ULK1: variants seen among roughly 807,000 people sequenced by gnomAD.
The protein encoded by ULK1 is serine/threonine-protein kinase ULK1.
In ULK1, 48 loss-of-function variants were observed where a neutral mutation model predicts 117.5. The observed-to-expected ratio is 0.41, with a 90% CI of 0.32 to 0.52. The LOEUF is 0.52. Among genes scored for constraint, ULK1 ranks in the 20% least tolerant of loss-of-function variants. ULK1 has a pLI of 0.29. For synonymous variants in ULK1, 790 were observed against 637.8 expected (o/e 1.24, Z -3.60); for missense variants, 1,387 against 1,473.4 (o/e 0.94, Z 0.96).
At chr12:131,900,922 G>A (rs1889060350) in intron 3 of ULK1, among the ~76,000 whole-genome samples, 2 of 152,224 alleles carry the variant, frequency 1.3e-5, no homozygotes, top group Non-Finnish European at 2.9e-5. Context: ...GTGAGTTGGG[G>A]CAGGATGCAG....
In ULK1 at chr12:131,921,580, C is replaced by G; in HGVS notation, c.*219C>G. On this transcript the variant is annotated 3_prime_UTR_variant, in exon 28 of 28. Coordinates refer to ENST00000321867, the MANE Select transcript of ULK1 (RefSeq NM_003565.4). ...CTTGGGGGGTGTCTCCCATCTTTTA[C>G]AGGTGGGGATCACAGAATTTCTGCC... The G allele has an allele frequency of 1.5e-6, 1 of 682,386 alleles. No homozygotes were observed. Among genetic ancestry groups the G allele is most frequent in the Non-Finnish European group, 2.5e-6 (1 of 405,056 alleles). The allele number at this position is 682,386 out of a possible 1,614,324, so 42.3% of individuals were successfully genotyped here.
intron 3 of ULK1, among the ~76,000 whole-genome samples, chr12:131,896,121 G>C (rs1028795395): frequency 1.3e-5 from 2 of 152,170 alleles, no homozygotes; most frequent in African/African-American, 4.8e-5. Context: ...GCCTGAGTCC[G>C]GCGTCCCCGG....
chr12:131,916,941 A>C lies in ULK1; in HGVS notation c.2073-12A>C. On this transcript the variant is annotated splice_polypyrimidine_tract_variant and intron_variant, in intron 20 of 27. Coordinates refer to ENST00000321867, the MANE Select transcript of ULK1 (RefSeq NM_003565.4). Reference sequence around the variant, plus strand: ...GGCCGGGCACCCAGCACAGCCCTGCACACTCCCACAGGTCTTTCAGCACCA... The same window carrying C: ...GGCCGGGCACCCAGCACAGCCCTGCCCACTCCCACAGGTCTTTCAGCACCA... The C allele has an allele frequency of 6.8e-6, 11 of 1,607,286 alleles. No homozygotes were observed. Among genetic ancestry groups the C allele is most frequent in the South Asian group, 1.1e-5 (1 of 90,272 alleles).
Position 131,921,123 on chromosome 12 carries a change from G to A in ULK1, c.2985G>A (p.Glu995=). The A allele has an allele frequency of 6.2e-7, 1 of 1,600,834 alleles. No individual in the cohort carries two copies. The highest frequency in any genetic ancestry group is 8.5e-7 in the Non-Finnish European group (1 of 1,178,596). Reference sequence around the variant, plus strand: ...AGGTGCAGTCGGCTGCCCTGGACGAGATGTTCCAGCACCGTGAGGGCTGCG... The same window carrying A: ...AGGTGCAGTCGGCTGCCCTGGACGAAATGTTCCAGCACCGTGAGGGCTGCG... ...VQMVQSAALD[E]MFQHREGCVP... is the part of the protein sequence containing the mutation. Residue 995 remains glutamate (E), a synonymous_variant, in exon 27 of 28, where the codon GAG becomes GAA. Transcript: ENST00000321867.
intron 3 of ULK1, among the ~76,000 whole-genome samples, chr12:131,905,663 C>G (rs1173963734): frequency 1.3e-5 from 2 of 152,182 alleles, no homozygotes; most frequent in Non-Finnish European, 2.9e-5. Flanking sequence ...CCAGCCCAGC[C>G]TGCCTGGTTT....
At chr12:131,897,322 T>TA (rs2136375981) in intron 3 of ULK1, 1 of 152,268 alleles carries the variant, frequency 6.6e-6, no homozygotes, top group African/African-American at 2.4e-5. Flanking sequence ...ATTTGGGTGA[T>TA]AAAAGAAAAT....
intron 3 of ULK1, chr12:131,897,875 G>A (rs1356630811): frequency 6.6e-6 from 1 of 152,220 alleles, no homozygotes; most frequent in Non-Finnish European, 1.5e-5. Context: ...TTCCAGCCTG[G>A]GCAGCAGAGT....
rs1434650191 is a variant in ULK1, at chr12:131,902,084, C to CAGGAGGCCCATA, written c.247-4807_247-4796dup. ...AGAGGTCAGCCTTGGGCTGCAGCCC[C>CAGGAGGCCCATA]AGGAGGCCCATACACAATGGGCGGC... On this transcript the variant is annotated intron_variant, in intron 3 of 27. Coordinates refer to ENST00000321867, the MANE Select transcript of ULK1 (RefSeq NM_003565.4). The surrounding 1 kb of genome is among the most constrained non-coding windows in gnomAD (Gnocchi z 6.3). Among the ~76,000 whole-genome samples, 1 of 152,156 alleles carries CAGGAGGCCCATA rather than the reference C, an allele frequency of 6.6e-6. No individual in the cohort carries two copies. The highest frequency in any genetic ancestry group is 1.5e-5 in the Non-Finnish European group (1 of 68,002).
rs953525240 is a variant in ULK1 at position 131,921,816 on chromosome 12, C to A, written c.*455C>A. ...AGCCTCTCCCTCCGAGATACCCACC[C>A]AGCTTTGTCAATCACCCAAGCACTT... On this transcript the variant is annotated 3_prime_UTR_variant, in exon 28 of 28. Coordinates refer to ENST00000321867, the MANE Select transcript of ULK1 (RefSeq NM_003565.4). The A allele has an allele frequency of 2.1e-6, 1 of 481,528 alleles. No homozygotes were observed. Among genetic ancestry groups the A allele is most frequent in the Non-Finnish European group, 4.1e-6 (1 of 244,118 alleles). 29.8% of individuals were successfully genotyped at this position (481,528 alleles called of 1,614,324 possible). A position where few individuals can be genotyped will look rare whatever the true frequency, so the allele number is the denominator to read the frequency against.
At position 131,917,002 on chromosome 12, in the gene ULK1, G is replaced by A. The variant is rs1356753182; in HGVS notation, c.2122G>A (p.Gly708Arg). 1.2e-6 allele frequency: 2 copies of A among 1,609,216 alleles called. No individual in the cohort carries two copies. The highest frequency in any genetic ancestry group is 1.7e-6 in the Non-Finnish European group (2 of 1,178,524). ...LTDLLLKAAF[G>R]TQAPDPGSTE... The stretch of plus-strand genomic sequence containing the variant: ...TGACCTGCTCCTTAAGGCGGCGTTT[G>A]GGACACAAGCCCCGGACCCGGGCAG... The change falls in exon 21 of 28, where the codon GGG becomes AGG. Residue 708 changes from glycine (G) to arginine (R), a missense_variant. This residue lies in a region of ULK1 where 900 missense variants were observed against 858.9 expected (regional missense o/e 1.05). Transcript: ENST00000321867.
chr12:131,922,241 G>A lies in ULK1; in HGVS notation c.*880G>A. The A allele has an allele frequency of 1.1e-5, 4 of 357,352 alleles. No individual in the cohort carries two copies. Among genetic ancestry groups the A allele is most frequent in the South Asian group, 8.3e-5 (4 of 48,014 alleles). The allele number at this position is 357,352 out of a possible 1,614,324, so 22.1% of individuals were successfully genotyped here. A position where few individuals can be genotyped will look rare whatever the true frequency, so the allele number is the denominator to read the frequency against. On this transcript the variant is annotated 3_prime_UTR_variant, in exon 28 of 28. Coordinates refer to ENST00000321867, the MANE Select transcript of ULK1 (RefSeq NM_003565.4). Reference sequence around the variant, plus strand: ...TTTGGGAGGGCGAGGACTGGGCCAGGTTAGAGGCAGATGGCACAGGGGCGT... The same window carrying A: ...TTTGGGAGGGCGAGGACTGGGCCAGATTAGAGGCAGATGGCACAGGGGCGT...
chr12:131,918,723 G>C, intron 23 of ULK1, 42 bp downstream of exon 23: 1 of 1,270,508 alleles, frequency 7.9e-7, no homozygotes, highest in East Asian at 5.6e-5. Flanking sequence ...CTGGCTGGAG[G>C]GTGTGTGGGG....
At chr12:131,919,928 C>T (rs1389348700) in intron 25 of ULK1, 51 bp from the exon 26 acceptor site, 8 of 1,591,470 alleles carry the variant, frequency 5.0e-6, no homozygotes, top group African/African-American at 4.0e-5. Flanking sequence ...GCCACTCCAG[C>T]CCTGCCCCGT....
rs746074007 is a variant in ULK1, at chr12:131,895,583, T to C, written c.112-18T>C. ...CGAGGGGCAGCCCTGGCCTTGAAGGTGCACGTTTGGCTTTCAGAAGCACGA... is the reference window on the plus strand; with the variant it reads ...CGAGGGGCAGCCCTGGCCTTGAAGGCGCACGTTTGGCTTTCAGAAGCACGA... On this transcript the variant is annotated intron_variant, in intron 1 of 27. Coordinates refer to ENST00000321867, the MANE Select transcript of ULK1 (RefSeq NM_003565.4). 1 of 1,611,844 alleles carries C rather than the reference T, an allele frequency of 6.2e-7. No individual in the cohort carries two copies. The highest frequency in any genetic ancestry group is 1.7e-5 in the Admixed American group (1 of 59,954).
chr12:131,910,820 G>T lies in ULK1; in HGVS notation c.948+20G>T, dbSNP rs1555264541. The T allele has an allele frequency of 1.2e-6, 2 of 1,611,372 alleles. No homozygotes were observed. The highest frequency in any genetic ancestry group is 1.7e-6 in the Non-Finnish European group (2 of 1,179,334). ...CCGCCGGTGAGTTGCCGCCCCAGGGGCTTGGCAGCTTCTCCCTCCACTCAG... is the reference window on the plus strand; with the variant it reads ...CCGCCGGTGAGTTGCCGCCCCAGGGTCTTGGCAGCTTCTCCCTCCACTCAG... On this transcript the variant is annotated intron_variant, in intron 12 of 27. Transcript: ENST00000321867.
chr12:131,907,450 G>A, intron 4 of ULK1, 45 bp from the exon 5 acceptor site: 1 of 1,606,466 alleles, frequency 6.2e-7, no homozygotes, highest in South Asian at 1.1e-5. Flanking sequence ...TGGGAGGTGG[G>A]CCCTGGGCCC....
In ULK1 at chr12:131,909,845, C is replaced by T; in HGVS notation, c.725+12C>T. On this transcript the variant is annotated intron_variant, in intron 9 of 27. Coordinates refer to ENST00000321867, the MANE Select transcript of ULK1 (RefSeq NM_003565.4). ...ACGTTGGTCCCCACGTAAGCACCCT[C>T]CCGCCTTCCCTTCCCTTCCCCCGCG... The T allele has an allele frequency of 6.2e-7, 1 of 1,611,356 alleles. No individual in the cohort carries two copies. Among genetic ancestry groups the T allele is most frequent in the Non-Finnish European group, 8.5e-7 (1 of 1,179,188 alleles).
chr12:131,919,700 G>C, intron 25 of ULK1, 110 bp downstream of exon 25: 1 of 1,299,276 alleles, frequency 7.7e-7, no homozygotes, highest in Non-Finnish European at 1.1e-6. Flanking sequence ...CCCCTGTGCA[G>C]AGGTGCAGAG....
rs577794881 is a variant in ULK1, at chr12:131,919,756, C to G, written c.2803+166C>G. The G allele has an allele frequency of 3.2e-4, 331 of 1,026,576 alleles. No homozygotes were observed. In the African/African-American group the frequency reaches 4.5e-3, roughly 14 times the overall value. The allele number at this position is 1,026,576 out of a possible 1,614,324, so 63.6% of individuals were successfully genotyped here. The stretch of plus-strand genomic sequence containing the variant: ...GTGCAGAGCACAGAGGCCATTGGGT[C>G]GGACAGCACCCTGGAGCCCAGTATG... On this transcript the variant is annotated intron_variant, in intron 25 of 27. Coordinates refer to ENST00000321867, the MANE Select transcript of ULK1 (RefSeq NM_003565.4).
Sources: allele counts gnomAD v4.1 joint callset (sites outside exome capture counted in the v4.1 genomes callset), GRCh38; gene constraint gnomAD v4.1.1; regional missense constraint gnomAD v4.1.1; non-coding constraint Gnocchi (gnomAD v3.1); transcripts MANE v1.5; gene names NCBI Gene and HGNC (gene_info 2026-07-23, HGNC 2026-07-21).